RPS6KA2: variants seen among roughly 807,000 people sequenced by gnomAD.
RPS6KA2 encodes the protein ribosomal protein S6 kinase alpha-2.
RPS6KA2 carries 42 observed loss-of-function variants against 91.8 expected under a neutral mutation model. The ratio of observed to expected loss-of-function variants is 0.46; its 90% CI spans 0.36 to 0.59. The LOEUF is 0.59. RPS6KA2 is among the 20% of genes least tolerant of loss of function. The pLI is 0.00. For synonymous variants in RPS6KA2, 414 were observed against 393.6 expected, an observed-to-expected ratio of 1.05 and a Z score of -0.61; for missense variants, 798 against 978.5, an observed-to-expected ratio of 0.82 and a Z score of 2.46.
rs1194968628 is a variant in RPS6KA2, at chr6:166,538,761, T to C, written c.123A>G (p.Ile41Met). The C allele has an allele frequency of 1.2e-6, 2 of 1,604,908 alleles. No homozygotes were observed. The highest frequency in any genetic ancestry group is 8.5e-7 in the Non-Finnish European group (1 of 1,171,842). ...CCTCCTTCACATGATGGCTGATGTC[T>C]ATCTCCTTCACGACGCCTTCTTCCT... is the stretch of plus-strand genomic sequence containing the variant. Reference protein sequence around the residue: ...RLEEEGVVKEIDISHHVKEGF... With the variant: ...RLEEEGVVKEMDISHHVKEGF... The change falls in exon 2 of 21, where the codon ATA becomes ATG. Residue 41 changes from isoleucine (I) to methionine (M), a missense_variant. Transcript: ENST00000265678.
intron 2 of RPS6KA2, chr6:166,858,007 A>G: frequency 1.8e-6 from 1 of 545,544 alleles, no homozygotes; most frequent in Non-Finnish European, 3.3e-6. Flanking sequence ...GAGGGAGATT[A>G]CCGAATATAA....
chr6:166,787,875 G>A (rs1778973551), intron 2 of RPS6KA2, among the ~76,000 whole-genome samples: 1 of 149,274 alleles, frequency 6.7e-6, no homozygotes. Context: ...ACTAGCATCA[G>A]ACTGAACAGG....
intron 3 of RPS6KA2, among the ~76,000 whole-genome samples, chr6:166,528,033 T>C (rs1180474140): frequency 6.6e-6 from 1 of 152,228 alleles, no homozygotes; most frequent in Non-Finnish European, 1.5e-5. Context: ...CTAGTTTCTG[T>C]GTAGACAGCT....
intron 2 of RPS6KA2, among the ~76,000 whole-genome samples, chr6:166,705,170 C>T (rs113982053): frequency 6.7e-4 from 102 of 152,350 alleles, no homozygotes; most frequent in African/African-American, 2.4e-3. Context: ...CATGTCAATA[C>T]CTCTTGCAGG....
chr6:166,461,552 A>G, intron 11 of RPS6KA2, among the ~76,000 whole-genome samples: 1 of 107,464 alleles, frequency 9.3e-6, no homozygotes, highest in Non-Finnish European at 1.9e-5. Context: ...GGGTGGGGGG[A>G]GAAAGAGACG....
chr6:166,717,986 T>C (rs1329594741), intron 2 of RPS6KA2, among the ~76,000 whole-genome samples: 1 of 152,072 alleles, frequency 6.6e-6, no homozygotes, highest in Admixed American at 6.5e-5. Context: ...GTAGCTGGGA[T>C]TACAGGTGCC....
upstream of RPS6KA2, among the ~76,000 whole-genome samples, chr6:166,631,403 C>T (rs1255481381): frequency 1.3e-5 from 2 of 152,210 alleles, no homozygotes; most frequent in Non-Finnish European, 1.5e-5. Context: ...TTCCTCCCTC[C>T]CCGCTGGAGC....
intron 3 of RPS6KA2, among the ~76,000 whole-genome samples, chr6:166,526,252 A>G (rs189588316): frequency 8.5e-5 from 13 of 152,300 alleles, no homozygotes; most frequent in African/African-American, 2.6e-4. Context: ...CCGAAACAGT[A>G]TAAGATGTAA....
chr6:166,535,727 T>G (rs1288326521), intron 2 of RPS6KA2, among the ~76,000 whole-genome samples: 2 of 152,240 alleles, frequency 1.3e-5, no homozygotes, highest in Non-Finnish European at 2.9e-5. Flanking sequence ...CTTCACCATC[T>G]TTCATTGCTT....
At chr6:166,600,829 T>C (rs928418770) in intron 1 of RPS6KA2, among the ~76,000 whole-genome samples, 1 of 152,256 alleles carries the variant, frequency 6.6e-6, no homozygotes, top group Non-Finnish European at 1.5e-5. Flanking sequence ...TGCATGCATT[T>C]TGAAATTGGT....
chr6:166,491,758 C>T (rs988695850), intron 8 of RPS6KA2, among the ~76,000 whole-genome samples: 2 of 152,174 alleles, frequency 1.3e-5, no homozygotes, highest in African/African-American at 2.4e-5. Flanking sequence ...AAAAAAATCA[C>T]GCAGAATTCC....
intron 2 of RPS6KA2, among the ~76,000 whole-genome samples, chr6:166,840,027 A>G (rs1780426591): frequency 6.6e-6 from 1 of 152,124 alleles, no homozygotes; most frequent in Non-Finnish European, 1.5e-5. Flanking sequence ...CTTAGTGTTA[A>G]CATAAAAAAT....
intron 1 of RPS6KA2, among the ~76,000 whole-genome samples, chr6:166,561,186 C>T (rs767298868): frequency 7.2e-5 from 11 of 152,208 alleles, no homozygotes; most frequent in African/African-American, 9.6e-5. Flanking sequence ...GCCCTACACA[C>T]CTCATTCAGG....
rs1369338791 is a variant in RPS6KA2 at position 166,459,867 on chromosome 6, T to G, written c.973-316A>C. Among the ~76,000 whole-genome samples, 1 of 152,202 alleles carries G rather than the reference T, an allele frequency of 6.6e-6. No individual in the cohort carries two copies. The highest frequency in any genetic ancestry group is 1.5e-5 in the Non-Finnish European group (1 of 68,030). ...ATTTTAGGGCAATAGTTTTCTAGCT[T>G]CTTCTTGGTAGTAGAATCTTCTTTT... On this transcript the variant is annotated intron_variant, in intron 11 of 20. Coordinates refer to ENST00000265678, the MANE Select transcript of RPS6KA2 (RefSeq NM_021135.6). The surrounding 1 kb of genome is among the most constrained non-coding windows in gnomAD (Gnocchi z 4.9).
intron 1 of RPS6KA2, among the ~76,000 whole-genome samples, chr6:166,566,432 A>T (rs1784507485): frequency 6.6e-6 from 1 of 152,092 alleles, no homozygotes; most frequent in South Asian, 2.1e-4. Flanking sequence ...CACCTCAATA[A>T]CCTCACTGTT....
intron 2 of RPS6KA2, among the ~76,000 whole-genome samples, chr6:166,711,500 T>C (rs7766655): frequency 0.16 from 24,513 of 149,492 alleles, 2,089 homozygotes; most frequent in Admixed American, 0.19. Flanking sequence ...CAACAAGCAA[T>C]CACAAACCAG....
intron 2 of RPS6KA2, among the ~76,000 whole-genome samples, chr6:166,805,084 A>T (rs1779457870): frequency 6.6e-6 from 1 of 152,164 alleles, no homozygotes; most frequent in Non-Finnish European, 1.5e-5. Context: ...ATTATTTTGG[A>T]ACTCTGGGGT....
At chr6:166,814,181 A>G (rs1476445229) in intron 2 of RPS6KA2, among the ~76,000 whole-genome samples, 1 of 152,204 alleles carries the variant, frequency 6.6e-6, no homozygotes, top group Admixed American at 6.5e-5. Context: ...GTATGTTTCA[A>G]AAAAATTGTC....
intron 10 of RPS6KA2, chr6:166,475,634 C>T (rs982168448): frequency 5.9e-6 from 2 of 338,234 alleles, no homozygotes; most frequent in East Asian, 7.9e-5. Flanking sequence ...TGCCATCCAC[C>T]TTCCTAAGCC....
Sources: gnomAD v4.1 joint callset for allele counts (sites outside exome capture counted in the v4.1 genomes callset) on GRCh38, gnomAD v4.1.1 for gene constraint, Gnocchi (gnomAD v3.1) non-coding constraint, MANE v1.5 for transcripts, NCBI Gene and HGNC (gene_info 2026-07-23, HGNC 2026-07-21) for gene names.